The following C7orf33 variants were observed in gnomAD, a reference collection of about 807,000 sequenced individuals.
The protein encoded by C7orf33 is chromosome 7 open reading frame 33, also known as uncharacterized protein C7orf33.
Under a neutral mutation model 13.4 loss-of-function variants are expected in C7orf33, and 15 were observed. The ratio of observed to expected loss-of-function variants is 1.12; its 90% CI spans 0.75 to 1.72. The LOEUF (loss-of-function observed/expected upper bound fraction) is 1.72. Ranked by LOEUF, C7orf33 falls within the 40% of genes most tolerant of loss-of-function variation. The probability of loss-of-function intolerance (pLI) is 0.00; values close to 1 mark genes in which losing one functional copy is unlikely to be tolerated. For missense variants in C7orf33, 187 were observed against 220.3 expected, an observed-to-expected ratio of 0.85 and a Z score of 0.96; for synonymous variants, 73 against 83.2, an observed-to-expected ratio of 0.88 and a Z score of 0.67.
In C7orf33 at chr7:148,614,308, A is replaced by C; in HGVS notation, c.459+12A>C. On this transcript the variant is annotated intron_variant, in intron 2 of 2. Coordinates refer to ENST00000307003, the MANE Select transcript of C7orf33 (RefSeq NM_145304.4). ...GTTCATACCTAAACGTAAGCTCCGAAGTGTCTTAGCACCTCCAAGTTTAAG... is the reference window on the plus strand; with the variant it reads ...GTTCATACCTAAACGTAAGCTCCGACGTGTCTTAGCACCTCCAAGTTTAAG... 1 of 1,612,936 alleles carries C rather than the reference A, an allele frequency of 6.2e-7. No homozygotes were observed. Among genetic ancestry groups the C allele is most frequent in the South Asian group, 1.1e-5 (1 of 90,976 alleles).
In C7orf33 at chr7:148,615,699, G is replaced by T; in HGVS notation, c.*298G>T. On this transcript the variant is annotated 3_prime_UTR_variant, in exon 3 of 3. Transcript: ENST00000307003. ...CTAAAGGGAGACGAAGATCCCCAGA[G>T]GACCTGGATAGAGATGTTTCCCTGA... is the stretch of plus-strand genomic sequence containing the variant. 3.2e-6 allele frequency: 1 copy of T among 310,720 alleles called. No individual in the cohort carries two copies. Among genetic ancestry groups the T allele is most frequent in the Non-Finnish European group, 6.2e-6 (1 of 160,878 alleles). 19.2% of individuals were successfully genotyped at this position (310,720 alleles called of 1,614,324 possible). A position where few individuals can be genotyped will look rare whatever the true frequency, so the allele number is the denominator to read the frequency against.
intron 1 of C7orf33, among the ~76,000 whole-genome samples, chr7:148,596,672 C>T (rs1293609497): frequency 1.3e-5 from 2 of 152,128 alleles, no homozygotes; most frequent in African/African-American, 4.8e-5. Context: ...CAATTATCTC[C>T]CACCAGGTTC....
chr7:148,598,761 TATAGAGAG>T (rs1188091897), intron 1 of C7orf33, among the ~76,000 whole-genome samples: 32 of 27,496 alleles, frequency 1.2e-3, no homozygotes, highest in East Asian at 4.8e-3. Context: ...TATATATATA[TATAGAGAG>T]AGAGAGAGAG....
intron 1 of C7orf33, among the ~76,000 whole-genome samples, chr7:148,609,033 T>A (rs750027002): frequency 2.0e-5 from 3 of 151,546 alleles, no homozygotes; most frequent in Non-Finnish European, 4.4e-5. Flanking sequence ...CATTCTTACC[T>A]TGAGGAAGCA....
Position 148,607,954 on chromosome 7 carries a change from C to T in C7orf33, c.205-6088C>T, listed in dbSNP as rs188803545. Among the ~76,000 whole-genome samples the T allele has an allele frequency of 3.9e-5, 6 of 152,142 alleles. No homozygotes were observed. The East Asian group carries it at 5.8e-4, about 15-fold the overall frequency. The stretch of plus-strand genomic sequence containing the variant: ...TTTCAATTCTTCAGCCACAGGTGCC[C>T]GATAAAATGGCCTTCAATCTCTGCC... On this transcript the variant is annotated intron_variant, in intron 1 of 2. Coordinates refer to ENST00000307003, the MANE Select transcript of C7orf33 (RefSeq NM_145304.4).
chr7:148,610,558 C>T (rs555672910), intron 1 of C7orf33, among the ~76,000 whole-genome samples: 1 of 152,118 alleles, frequency 6.6e-6, no homozygotes, highest in Non-Finnish European at 1.5e-5. Context: ...ACTTAATAAA[C>T]TCCCCTTCAT....
intron 1 of C7orf33, among the ~76,000 whole-genome samples, chr7:148,594,239 G>C (rs1048209899): frequency 6.8e-6 from 1 of 147,274 alleles, no homozygotes; most frequent in African/African-American, 2.5e-5. Context: ...GCAGTGGTAC[G>C]ATCTTGGCTC....
chr7:148,590,829 A>C lies in C7orf33; in HGVS notation c.-97A>C. On this transcript the variant is annotated 5_prime_UTR_variant, in exon 1 of 3. Transcript: ENST00000307003. Reference sequence around the variant, plus strand: ...GCCCAGCCTGTGTCTGAATCCTCCTACTGACCCTGGGGATCCGTGCGACTT... The same window carrying C: ...GCCCAGCCTGTGTCTGAATCCTCCTCCTGACCCTGGGGATCCGTGCGACTT... 2 of 1,116,676 alleles carry C rather than the reference A, an allele frequency of 1.8e-6. No individual in the cohort carries two copies. 69.2% of individuals were successfully genotyped at this position (1,116,676 alleles called of 1,614,324 possible).
At chr7:148,591,949 T>C (rs1796276202) in intron 1 of C7orf33, among the ~76,000 whole-genome samples, 1 of 152,162 alleles carries the variant, frequency 6.6e-6, no homozygotes, top group African/African-American at 2.4e-5. Flanking sequence ...GCAGGCATTT[T>C]TGGTTAAAGT....
In C7orf33 at chr7:148,596,602, G is replaced by A. The variant is rs542329882; in HGVS notation, c.204+5473G>A. 6.5e-4 allele frequency among the ~76,000 whole-genome samples: 99 copies of A among 152,194 alleles called. 1 individual carries two copies. The South Asian group carries it at 0.016, about 25-fold the overall frequency. On this transcript the variant is annotated intron_variant, in intron 1 of 2. Transcript: ENST00000307003. The stretch of plus-strand genomic sequence containing the variant: ...GCAGAAACCCCTGATAAAACCCTCA[G>A]ATCCCATGAGACTTACTCACTACCA...
chr7:148,612,394 T>C (rs1796554433), intron 1 of C7orf33, among the ~76,000 whole-genome samples: 2 of 152,106 alleles, frequency 1.3e-5, no homozygotes, highest in South Asian at 4.1e-4. Context: ...AAAGAAAAAA[T>C]AGAGAAATTG....
chr7:148,595,325 A>C (rs1007403657), intron 1 of C7orf33, among the ~76,000 whole-genome samples: 4 of 140,390 alleles, frequency 2.8e-5, no homozygotes, highest in African/African-American at 1.0e-4. Context: ...ATATAGATAT[A>C]TCTATATAAT....
intron 1 of C7orf33, 42 bp downstream of exon 1, chr7:148,591,171 C>T (rs1796265154): frequency 6.8e-7 from 1 of 1,463,578 alleles, no homozygotes; most frequent in Non-Finnish European, 9.6e-7. Flanking sequence ...CTCTTTGAGT[C>T]AGTCAGTATC....
At chr7:148,608,895 C>T (rs926182687) in intron 1 of C7orf33, among the ~76,000 whole-genome samples, 3 of 152,060 alleles carry the variant, frequency 2.0e-5, no homozygotes, top group Non-Finnish European at 4.4e-5. Context: ...TAAAAACAGT[C>T]CTATTGCCTC....
At chr7:148,608,006 C>T (rs1585463898) in intron 1 of C7orf33, among the ~76,000 whole-genome samples, 1 of 152,248 alleles carries the variant, frequency 6.6e-6, no homozygotes, top group African/African-American at 2.4e-5. Flanking sequence ...TACCTCACTC[C>T]CTCTCAAACG....
In C7orf33 at chr7:148,614,247, T is replaced by A. The variant is rs1796577944; in HGVS notation, c.410T>A (p.Leu137Gln). 3 of 1,614,186 alleles carry A rather than the reference T, an allele frequency of 1.9e-6. No individual in the cohort carries two copies. Among genetic ancestry groups the A allele is most frequent in the Non-Finnish European group, 2.5e-6 (3 of 1,180,024 alleles). Residue 137 changes from leucine to glutamine, a missense_variant, in exon 2 of 3, where the codon CTA becomes CAA. Leu to Gln is a moderately radical substitution (Grantham distance 113). Transcript: ENST00000307003. The stretch of plus-strand genomic sequence containing the variant: ...TTGTCTTCCAGTTACCTAGATCTGC[T>A]AACTCTCTCTTACAAGCCTGGGAGG... The part of the protein sequence containing the change: ...GTLSSSYLDL[L>Q]TLSYKPGRTV...
rs76193540 is a variant in C7orf33 at position 148,597,987 on chromosome 7, C to T, written c.204+6858C>T. ...AGCCAGGATGATCTCGATCTCCTGA[C>T]CTAGTGATCCTCCCGCCTTGGTCTC... On this transcript the variant is annotated intron_variant, in intron 1 of 2. Coordinates refer to ENST00000307003, the MANE Select transcript of C7orf33 (RefSeq NM_145304.4). 2.1e-3 allele frequency among the ~76,000 whole-genome samples: 318 copies of T among 152,254 alleles called. 10 individuals are homozygous for T. The East Asian group carries it at 0.057, about 27-fold the overall frequency.
At chr7:148,595,941 G>A in intron 1 of C7orf33, among the ~76,000 whole-genome samples, 1 of 151,342 alleles carries the variant, frequency 6.6e-6, no homozygotes. Context: ...CATGATCACA[G>A]ATTACTGAGA....
intron 1 of C7orf33, among the ~76,000 whole-genome samples, chr7:148,596,219 C>G (rs1796336752): frequency 6.6e-6 from 1 of 152,176 alleles, no homozygotes. Context: ...ACCTCTTGCC[C>G]TCACACATGC....
Sources: gnomAD v4.1 joint callset for allele counts (sites outside exome capture counted in the v4.1 genomes callset) on GRCh38, gnomAD v4.1.1 for gene constraint, MANE v1.5 for transcripts, NCBI Gene and HGNC (gene_info 2026-07-23, HGNC 2026-07-21) for gene names.